The following TNFRSF8 variants were observed in gnomAD, a reference collection of about 807,000 sequenced individuals.
TNFRSF8 encodes TNF receptor superfamily member 8.
Under a neutral mutation model 70.8 loss-of-function variants are expected in TNFRSF8, and 26 were observed. The ratio of observed to expected loss-of-function variants is 0.37; its 90% CI spans 0.27 to 0.51. TNFRSF8 has a LOEUF of 0.51. TNFRSF8 is among the 20% of genes least tolerant of loss of function. The probability of loss-of-function intolerance (pLI) is 0.94; values close to 1 mark genes in which losing one functional copy is unlikely to be tolerated. For synonymous variants in TNFRSF8, 356 were observed against 339.2 expected (o/e 1.05, Z -0.54); for missense variants, 720 against 807.9 (o/e 0.89, Z 1.32).
chr1:12,134,349 C>A (rs1642106829), intron 12 of TNFRSF8, among the ~76,000 whole-genome samples: 1 of 152,160 alleles, frequency 6.6e-6, no homozygotes, highest in Admixed American at 6.5e-5. Flanking sequence ...GCTGGGCATC[C>A]CTGGAGGATG....
chr1:12,111,242 C>A (rs983347314), intron 6 of TNFRSF8, among the ~76,000 whole-genome samples: 1 of 151,914 alleles, frequency 6.6e-6, no homozygotes, highest in African/African-American at 2.4e-5. Flanking sequence ...AGTGCAGTGG[C>A]GTGATCTCGG....
rs199941905 is a variant in TNFRSF8, at chr1:12,108,074, A to ATTTTTTTTTTTTTTT, written c.422-1485_422-1484insTTTTTTTTTTTTTTT. On this transcript the variant is annotated intron_variant, in intron 4 of 14. Coordinates refer to ENST00000263932, the MANE Select transcript of TNFRSF8 (RefSeq NM_001243.5). This position sits in a 1 kb window ranked among gnomAD's most constrained non-coding sequence, Gnocchi z 4.0. ...CGAAGTCCCACACATACAGGCCACC[A>ATTTTTTTTTTTTTTT]TTTTTTTATTTTTTTTTTTTTTGTG... Among the ~76,000 whole-genome samples the ATTTTTTTTTTTTTTT allele has an allele frequency of 1.5e-3, 218 of 146,148 alleles. 8 individuals are homozygous for ATTTTTTTTTTTTTTT. Among genetic ancestry groups the ATTTTTTTTTTTTTTT allele is most frequent in the East Asian group, 2.4e-3 (12 of 4,952 alleles).
chr1:12,139,080 T>C (rs1017818898), intron 14 of TNFRSF8, among the ~76,000 whole-genome samples: 1 of 142,224 alleles, frequency 7.0e-6, no homozygotes, highest in Non-Finnish European at 1.5e-5. Context: ...TTTGGCCTCC[T>C]GTGGGCCTCC....
At chr1:12,105,752 A>C (rs1213698408) in intron 4 of TNFRSF8, among the ~76,000 whole-genome samples, 1 of 152,120 alleles carries the variant, frequency 6.6e-6, no homozygotes, top group Non-Finnish European at 1.5e-5. Flanking sequence ...AGCCTGGCCA[A>C]CATGGTGAAA....
intron 10 of TNFRSF8, among the ~76,000 whole-genome samples, chr1:12,125,304 G>T (rs1027532007): frequency 6.6e-6 from 1 of 152,232 alleles, no homozygotes; most frequent in Admixed American, 6.5e-5. Context: ...GCGTGGCCCT[G>T]CAGTCCCCCC....
chr1:12,100,074 CAGA>C lies in TNFRSF8; in HGVS notation c.268+2862_268+2864del, dbSNP rs1641394839. 5.9e-5 allele frequency among the ~76,000 whole-genome samples: 9 copies of C among 152,108 alleles called. No individual in the cohort carries two copies. The South Asian group carries it at 1.9e-3, about 32-fold the overall frequency. On this transcript the variant is annotated intron_variant, in intron 3 of 14. Coordinates refer to ENST00000263932, the MANE Select transcript of TNFRSF8 (RefSeq NM_001243.5). Reference sequence around the variant, plus strand: ...GTCCCAGCTACTCAAGAGGCTGAAGCAGAAGAATTGCTTGAACCTGGGAGGCGG... The same window carrying C: ...GTCCCAGCTACTCAAGAGGCTGAAGCAGAATTGCTTGAACCTGGGAGGCGG...
intron 8 of TNFRSF8, among the ~76,000 whole-genome samples, chr1:12,116,026 G>T (rs57709810): frequency 1.3e-5 from 2 of 152,176 alleles, no homozygotes; most frequent in Non-Finnish European, 2.9e-5. Flanking sequence ...ATGTTGCCCA[G>T]GCTGGAGTAC....
At chr1:12,100,956 CA>C (rs57753344) in intron 3 of TNFRSF8, among the ~76,000 whole-genome samples, 6,590 of 113,876 alleles carry the variant, frequency 0.058, 379 homozygotes, top group African/African-American at 0.16. Flanking sequence ...GACTCTGTCT[CA>C]AAAAAAAAAA....
At chr1:12,092,701 G>T (rs1641266069) in intron 2 of TNFRSF8, among the ~76,000 whole-genome samples, 2 of 151,734 alleles carry the variant, frequency 1.3e-5, no homozygotes, top group Admixed American at 1.3e-4. Flanking sequence ...GGAGAGACAG[G>T]GTTTCACCAT....
chr1:12,096,551 G>A (rs1557585473), intron 2 of TNFRSF8, among the ~76,000 whole-genome samples: 2 of 152,100 alleles, frequency 1.3e-5, no homozygotes. Context: ...GGTTGGACAA[G>A]CTTGGTCTAG....
At chr1:12,090,078 C>T (rs1171407630) in intron 2 of TNFRSF8, among the ~76,000 whole-genome samples, 3 of 148,860 alleles carry the variant, frequency 2.0e-5, no homozygotes, top group Admixed American at 6.7e-5. Context: ...CATCTACCCA[C>T]TCATCCACTC....
In TNFRSF8 at chr1:12,073,208, G is replaced by A. The variant is rs534295627; in HGVS notation, c.63+9547G>A. ...CAGGAGGTCAAGGCTGTAGTGAGCCGTGTTCATGATCGCAGGACTGCACTC... is the reference window on the plus strand; with the variant it reads ...CAGGAGGTCAAGGCTGTAGTGAGCCATGTTCATGATCGCAGGACTGCACTC... On this transcript the variant is annotated intron_variant, in intron 1 of 14. Coordinates refer to ENST00000263932, the MANE Select transcript of TNFRSF8 (RefSeq NM_001243.5). 5.9e-5 allele frequency among the ~76,000 whole-genome samples: 9 copies of A among 152,282 alleles called. No homozygotes were observed. The East Asian group carries it at 1.5e-3, about 26-fold the overall frequency.
chr1:12,076,369 G>C (rs1640967443), intron 1 of TNFRSF8, among the ~76,000 whole-genome samples: 1 of 152,098 alleles, frequency 6.6e-6, no homozygotes, highest in Non-Finnish European at 1.5e-5. Context: ...CAAAGTGCTG[G>C]GATTACAAGC....
In TNFRSF8 at chr1:12,109,679, T is replaced by G. The variant is rs200778888; in HGVS notation, c.512+23T>G. ...CAGGTGACTCCCTGGCTTTGCCTCC[T>G]CCTCTTCCCCCAAGCTGGCTTTCAG... On this transcript the variant is annotated intron_variant, in intron 5 of 14. Transcript: ENST00000263932. The surrounding 1 kb of genome is among the most constrained non-coding windows in gnomAD (Gnocchi z 4.4). 11 of 1,601,380 alleles carry G rather than the reference T, an allele frequency of 6.9e-6. No homozygotes were observed. The Admixed American group carries it at 8.4e-5, about 12-fold the overall frequency.
chr1:12,130,840 C>G (rs1642034818), intron 12 of TNFRSF8, among the ~76,000 whole-genome samples: 2 of 152,208 alleles, frequency 1.3e-5, no homozygotes, highest in Admixed American at 6.5e-5. Context: ...ATAAGACTAG[C>G]AGATAGAATC....
Position 12,142,564 on chromosome 1 carries a change from A to G in TNFRSF8, c.*33A>G. 1 of 1,547,530 alleles carries G rather than the reference A, an allele frequency of 6.5e-7. No individual in the cohort carries two copies. On this transcript the variant is annotated 3_prime_UTR_variant, in exon 15 of 15. Coordinates refer to ENST00000263932, the MANE Select transcript of TNFRSF8 (RefSeq NM_001243.5). The surrounding 1 kb of genome is among the most constrained non-coding windows in gnomAD (Gnocchi z 5.0). Reference sequence around the variant, plus strand: ...GCTGGGCTGGGGCTAGGAGGGCAGCAGGGTGGCCTCTGGGAGGCCAGGATG... The same window carrying G: ...GCTGGGCTGGGGCTAGGAGGGCAGCGGGGTGGCCTCTGGGAGGCCAGGATG...
chr1:12,111,216 C>G, intron 6 of TNFRSF8, among the ~76,000 whole-genome samples: 1 of 151,908 alleles, frequency 6.6e-6, no homozygotes, highest in Middle Eastern at 3.4e-3. Context: ...GAGTCTTGCT[C>G]TGTCGCCCAG....
At chr1:12,091,560 G>A (rs1641248399) in intron 2 of TNFRSF8, among the ~76,000 whole-genome samples, 1 of 152,154 alleles carries the variant, frequency 6.6e-6, no homozygotes, top group African/African-American at 2.4e-5. Flanking sequence ...AGAGGATCTG[G>A]GTGGGGTCAG....
chr1:12,120,545 G>A (rs912143216), intron 8 of TNFRSF8, among the ~76,000 whole-genome samples: 3 of 152,220 alleles, frequency 2.0e-5, no homozygotes, highest in African/African-American at 4.8e-5. Context: ...GATTTTAAGC[G>A]ATTGCTGGAT....
Sources: allele counts gnomAD v4.1 joint callset (sites outside exome capture counted in the v4.1 genomes callset), GRCh38; gene constraint gnomAD v4.1.1; non-coding constraint Gnocchi (gnomAD v3.1); transcripts MANE v1.5; gene names NCBI Gene and HGNC (gene_info 2026-07-23, HGNC 2026-07-21).